The following ZDHHC3 variants were observed in gnomAD, a reference collection of about 807,000 sequenced individuals.
ZDHHC3 encodes zDHHC palmitoyltransferase 3, also known as palmitoyltransferase ZDHHC3.
Under a neutral mutation model 30.6 loss-of-function variants are expected in ZDHHC3, and 9 were observed. The ratio of observed to expected loss-of-function variants is 0.29; its 90% CI spans 0.18 to 0.51. The LOEUF (loss-of-function observed/expected upper bound fraction) is 0.51. ZDHHC3 is among the 20% of genes least tolerant of loss of function. The pLI is 0.97. For missense variants in ZDHHC3, 246 were observed against 384.2 expected (o/e 0.64, Z 3.01); for synonymous variants, 136 against 140.2 (o/e 0.97, Z 0.21).
intron 2 of ZDHHC3, among the ~76,000 whole-genome samples, chr3:44,950,814 G>A (rs1703381933): frequency 6.6e-6 from 1 of 152,134 alleles, no homozygotes; most frequent in African/African-American, 2.4e-5. Context: ...TTACAATCCT[G>A]GACAGACAGC....
intron 2 of ZDHHC3, among the ~76,000 whole-genome samples, chr3:44,956,737 T>C (rs1300519592): frequency 4.1e-4 from 62 of 152,290 alleles, no homozygotes; most frequent in Admixed American, 4.1e-3. Context: ...ACACCATGTC[T>C]TGCCCGGACC....
At position 44,920,081 on chromosome 3, in the gene ZDHHC3, T is replaced by C. The variant is rs1700485451; in HGVS notation, c.*6608A>G. ...TCTAGAGGATTTGTATTTATTTCTGTAGACTTCTCACACAATCCAAGTTTT... is the reference window on the plus strand; with the variant it reads ...TCTAGAGGATTTGTATTTATTTCTGCAGACTTCTCACACAATCCAAGTTTT... On this transcript the variant is annotated 3_prime_UTR_variant, in exon 7 of 7. Transcript: ENST00000424952. The C allele has an allele frequency of 5.9e-6, 7 of 1,193,654 alleles. No homozygotes were observed. In the African/African-American group the frequency reaches 6.4e-5, roughly 11 times the overall value. The allele number at this position is 1,193,654 out of a possible 1,614,324, so 73.9% of individuals were successfully genotyped here.
At chr3:44,957,755 CCCACAGCAAT>C (rs1392678294) in intron 2 of ZDHHC3, among the ~76,000 whole-genome samples, 5 of 152,196 alleles carry the variant, frequency 3.3e-5, no homozygotes, top group African/African-American at 7.2e-5. Flanking sequence ...CCCTTGTTCT[CCCACAGCAAT>C]CCACATTTCT....
intron 1 of ZDHHC3, among the ~76,000 whole-genome samples, chr3:44,961,367 G>A (rs1406462597): frequency 6.6e-6 from 1 of 152,200 alleles, no homozygotes; most frequent in African/African-American, 2.4e-5. Context: ...ACTCCAGCCT[G>A]GGCGACAGTG....
At chr3:44,962,719 C>T (rs1459020333) in intron 1 of ZDHHC3, among the ~76,000 whole-genome samples, 2 of 152,230 alleles carry the variant, frequency 1.3e-5, no homozygotes, top group Non-Finnish European at 2.9e-5. Flanking sequence ...AACTGGCTTG[C>T]TCAGACTGTT....
chr3:44,929,222 CTG>C (rs1381725457), intron 6 of ZDHHC3, 82 bp downstream of exon 6: 4 of 1,541,018 alleles, frequency 2.6e-6, no homozygotes, highest in Non-Finnish European at 3.5e-6. Context: ...TCCAGTCTGA[CTG>C]TGAGCAGCTC....
At chr3:44,941,757 T>TAAA (rs199887044) in intron 3 of ZDHHC3, among the ~76,000 whole-genome samples, 32 of 117,318 alleles carry the variant, frequency 2.7e-4, no homozygotes, top group African/African-American at 9.5e-4. Context: ...GCTGATGAGC[T>TAAA]AAAAAAAAAA....
chr3:44,917,536 G>T lies in ZDHHC3; in HGVS notation c.*9153C>A. On this transcript the variant is annotated 3_prime_UTR_variant, in exon 7 of 7. Transcript: ENST00000424952. Reference sequence around the variant, plus strand: ...GACAGAAATCCTGGGGAAAGCCAAAGGCAAGCTCTTTTCTGCCCCTGGGAT... The same window carrying T: ...GACAGAAATCCTGGGGAAAGCCAAATGCAAGCTCTTTTCTGCCCCTGGGAT... 1 of 216,842 alleles carries T rather than the reference G, an allele frequency of 4.6e-6. No individual in the cohort carries two copies. The highest frequency in any genetic ancestry group is 2.0e-3 in the Middle Eastern group (1 of 506). The allele number at this position is 216,842 out of a possible 1,614,324, so 13.4% of individuals were successfully genotyped here.
At chr3:44,961,192 A>G (rs1179463389) in intron 1 of ZDHHC3, among the ~76,000 whole-genome samples, 1 of 152,216 alleles carries the variant, frequency 6.6e-6, no homozygotes, top group Non-Finnish European at 1.5e-5. Flanking sequence ...GGAGATTGAG[A>G]CCATCCTGGC....
At chr3:44,948,803 G>A (rs1332355532) in intron 2 of ZDHHC3, among the ~76,000 whole-genome samples, 1 of 152,230 alleles carries the variant, frequency 6.6e-6, no homozygotes, top group Non-Finnish European at 1.5e-5. Flanking sequence ...CTGGGCCCCA[G>A]CCCTTCCCCT....
In ZDHHC3 at chr3:44,918,407, C is replaced by A; in HGVS notation, c.*8282G>T. The A allele has an allele frequency of 1.0e-6, 1 of 985,360 alleles. No homozygotes were observed. Among genetic ancestry groups the A allele is most frequent in the Non-Finnish European group, 1.2e-6 (1 of 829,926 alleles). 61.0% of individuals were successfully genotyped at this position (985,360 alleles called of 1,614,324 possible). On this transcript the variant is annotated 3_prime_UTR_variant, in exon 7 of 7. Coordinates refer to ENST00000424952, the MANE Select transcript of ZDHHC3 (RefSeq NM_001135179.2). ...GCCTGGTGGACTGACGTGTTCTCCA[C>A]CCACCACCCAGCCCTCCCCTTCTTT...
chr3:44,955,457 T>TATATATATATATATA (rs1553691496), intron 2 of ZDHHC3, among the ~76,000 whole-genome samples: 31 of 143,960 alleles, frequency 2.2e-4, no homozygotes, highest in African/African-American at 7.9e-4. Flanking sequence ...CACAAGGTTT[T>TATATATATATATATA]TATATATATA....
intron 3 of ZDHHC3, among the ~76,000 whole-genome samples, chr3:44,936,477 C>G (rs1331643867): frequency 6.6e-6 from 1 of 152,170 alleles, no homozygotes; most frequent in Non-Finnish European, 1.5e-5. Flanking sequence ...AGCAGAACGA[C>G]CATTCAACCC....
At position 44,917,947 on chromosome 3, in the gene ZDHHC3, T is replaced by C; in HGVS notation, c.*8742A>G. The C allele has an allele frequency of 7.7e-7, 1 of 1,305,292 alleles. No individual in the cohort carries two copies. The highest frequency in any genetic ancestry group is 1.2e-5 in the South Asian group (1 of 81,026). 80.9% of individuals were successfully genotyped at this position (1,305,292 alleles called of 1,614,324 possible). A position where few individuals can be genotyped will look rare whatever the true frequency, so the allele number is the denominator to read the frequency against. On this transcript the variant is annotated 3_prime_UTR_variant, in exon 7 of 7. Coordinates refer to ENST00000424952, the MANE Select transcript of ZDHHC3 (RefSeq NM_001135179.2). ...CTCGTCCTTTGTCTCCTCTGATGGATCCTCCATTGTTTCGGTGTCTGACAG... is the reference window on the plus strand; with the variant it reads ...CTCGTCCTTTGTCTCCTCTGATGGACCCTCCATTGTTTCGGTGTCTGACAG...
At position 44,920,090 on chromosome 3, in the gene ZDHHC3, C is replaced by T; in HGVS notation, c.*6599G>A. On this transcript the variant is annotated 3_prime_UTR_variant, in exon 7 of 7. Transcript: ENST00000424952. ...TTTGTATTTATTTCTGTAGACTTCT[C>T]ACACAATCCAAGTTTTACCAATGAG... The T allele has an allele frequency of 8.3e-7, 1 of 1,203,190 alleles. No individual in the cohort carries two copies. Among genetic ancestry groups the T allele is most frequent in the Non-Finnish European group, 1.1e-6 (1 of 944,080 alleles). The allele number at this position is 1,203,190 out of a possible 1,614,324, so 74.5% of individuals were successfully genotyped here. A position where few individuals can be genotyped will look rare whatever the true frequency, so the allele number is the denominator to read the frequency against.
intron 3 of ZDHHC3, among the ~76,000 whole-genome samples, chr3:44,941,781 G>A (rs1401174115): frequency 6.6e-6 from 1 of 151,412 alleles, no homozygotes; most frequent in African/African-American, 2.4e-5. Context: ...AAAAGTCTAT[G>A]CATACATGTC....
chr3:44,920,386 C>T lies in ZDHHC3; in HGVS notation c.*6303G>A. The T allele has an allele frequency of 2.3e-6, 3 of 1,284,248 alleles. No individual in the cohort carries two copies. The highest frequency in any genetic ancestry group is 3.0e-6 in the Non-Finnish European group (3 of 984,140). The allele number at this position is 1,284,248 out of a possible 1,614,324, so 79.6% of individuals were successfully genotyped here. The stretch of plus-strand genomic sequence containing the variant: ...TCATAGCACGAGAGCTGGGACATCA[C>T]CATATGGCAGACCCGGCTACAGAGG... On this transcript the variant is annotated 3_prime_UTR_variant, in exon 7 of 7. Coordinates refer to ENST00000424952, the MANE Select transcript of ZDHHC3 (RefSeq NM_001135179.2).
intron 3 of ZDHHC3, among the ~76,000 whole-genome samples, chr3:44,937,484 T>A (rs142868094): frequency 1.3e-5 from 2 of 151,310 alleles, no homozygotes; most frequent in Admixed American, 6.6e-5. Context: ...GGTGGGAGGA[T>A]TGCTTGAGCC....
chr3:44,975,770 T>TCACACACA (rs3082727), intron 1 of ZDHHC3, among the ~76,000 whole-genome samples, 163 bp downstream of exon 1: 26 of 111,552 alleles, frequency 2.3e-4, no homozygotes, highest in African/African-American at 7.6e-4. Flanking sequence ...TCTCTCTCTC[T>TCACACACA]CTCACACACA....
Sources: allele counts gnomAD v4.1 joint callset (sites outside exome capture counted in the v4.1 genomes callset), GRCh38; gene constraint gnomAD v4.1.1; transcripts MANE v1.5; gene names NCBI Gene and HGNC (gene_info 2026-07-23, HGNC 2026-07-21).